Variants in DIAPH2 observed in about 807,000 individuals in gnomAD.
DIAPH2 encodes diaphanous related formin 2.
In DIAPH2, 35 loss-of-function variants were observed where a neutral mutation model predicts 92.7. The observed-to-expected ratio is 0.38, with a 90% confidence interval of 0.29 to 0.50. DIAPH2 has a LOEUF of 0.50. Among genes scored for constraint, DIAPH2 ranks in the 20% least tolerant of loss-of-function variants. DIAPH2 has a pLI of 0.94. For synonymous variants in DIAPH2, 301 were observed against 280.4 expected (o/e 1.07, Z -0.73); for missense variants, 701 against 819.5 (o/e 0.86, Z 1.77).
chrX:97,415,046 A>G (rs2069927474), intron 25 of DIAPH2, among the ~76,000 whole-genome samples: 1 of 102,353 alleles, frequency 9.8e-6, no homozygotes, highest in Non-Finnish European at 2.0e-5. Context: ...GGCAAAGGAT[A>G]TGAACAAACA....
Position 97,367,654 on chromosome X carries a change from C to T in DIAPH2, c.3010-16255C>T, listed in dbSNP as rs139671625. 5.9e-3 allele frequency among the ~76,000 whole-genome samples: 650 copies of T among 109,660 alleles called. 2 individuals carry two copies. The highest frequency in any genetic ancestry group is 0.02 in the African/African-American group (617 of 30,190). ...ACTCAGAAACATATACCTATAGAGCCAGAATAGCCTAGGATAGAAACTAAG... is the reference window on the plus strand; with the variant it reads ...ACTCAGAAACATATACCTATAGAGCTAGAATAGCCTAGGATAGAAACTAAG... On this transcript the variant is annotated intron_variant, in intron 24 of 26. Transcript: ENST00000324765.
chrX:96,924,523 T>C (rs1490594948), intron 9 of DIAPH2, among the ~76,000 whole-genome samples: 1 of 111,597 alleles, frequency 9.0e-6, no homozygotes, highest in African/African-American at 3.3e-5. Flanking sequence ...TCCTCAGCAC[T>C]ATTTGGCACT....
At chrX:97,278,611 T>C (rs1323349831) in intron 23 of DIAPH2, among the ~76,000 whole-genome samples, 1 of 112,190 alleles carries the variant, frequency 8.9e-6, no homozygotes, top group Non-Finnish European at 1.9e-5. Context: ...CTTAGCAATA[T>C]GCATTTAAGG....
At chrX:97,120,618 T>G (rs1602355353) in intron 21 of DIAPH2, among the ~76,000 whole-genome samples, 2 of 98,735 alleles carry the variant, frequency 2.0e-5, no homozygotes, top group Admixed American at 2.2e-4. Context: ...TTGTGGGTTT[T>G]TTTTTTTTTT....
At chrX:96,780,629 G>A (rs1180210955) in intron 4 of DIAPH2, among the ~76,000 whole-genome samples, 1 of 109,078 alleles carries the variant, frequency 9.2e-6, no homozygotes, top group African/African-American at 3.3e-5. Context: ...CTATAAGTGT[G>A]TGCCACCATG....
chrX:96,758,921 C>T (rs888274460), intron 4 of DIAPH2, among the ~76,000 whole-genome samples: 89 of 109,383 alleles, frequency 8.1e-4, no homozygotes, highest in African/African-American at 2.9e-3. Flanking sequence ...TCCTAATGCA[C>T]TTCCAAATAT....
At chrX:97,410,512 G>C (rs1041780146) in intron 25 of DIAPH2, among the ~76,000 whole-genome samples, 1 of 111,990 alleles carries the variant, frequency 8.9e-6, no homozygotes, top group East Asian at 2.8e-4. Context: ...CTCCTCCAAA[G>C]GATTACAGGT....
At chrX:96,825,103 G>T (rs1433362104) in intron 4 of DIAPH2, among the ~76,000 whole-genome samples, 1 of 102,291 alleles carries the variant, frequency 9.8e-6, no homozygotes, top group African/African-American at 3.7e-5. Flanking sequence ...ATGCCACCAC[G>T]CCTGGCTAAT....
At chrX:96,685,964 T>C (rs1157494589) in intron 1 of DIAPH2, among the ~76,000 whole-genome samples, 5 of 112,281 alleles carry the variant, frequency 4.5e-5, no homozygotes, top group Non-Finnish European at 9.4e-5. Flanking sequence ...TGCCACTGAA[T>C]GTGCAGAGGA....
chrX:97,258,912 A>G (rs1267387229), intron 23 of DIAPH2, among the ~76,000 whole-genome samples: 3 of 108,213 alleles, frequency 2.8e-5, no homozygotes, highest in African/African-American at 1.0e-4. Context: ...AACAACAGAA[A>G]CAAAACAAAA....
chrX:96,832,631 G>A (rs1638733283), intron 4 of DIAPH2, among the ~76,000 whole-genome samples: 1 of 111,247 alleles, frequency 9.0e-6, no homozygotes, highest in Non-Finnish European at 1.9e-5. Flanking sequence ...ATATCATTTT[G>A]TATTTGGATA....
intron 25 of DIAPH2, among the ~76,000 whole-genome samples, chrX:97,396,817 A>G (rs2147744958): frequency 9.0e-6 from 1 of 111,035 alleles, no homozygotes; most frequent in East Asian, 2.8e-4. Context: ...CTATTAACCT[A>G]TTTCAGGGGT....
chrX:96,837,734 G>A (rs1455338748), intron 4 of DIAPH2, among the ~76,000 whole-genome samples: 2 of 111,189 alleles, frequency 1.8e-5, no homozygotes, highest in Admixed American at 1.9e-4. Context: ...ATCATAATGC[G>A]ATAATTCTTA....
At chrX:97,571,162 G>GA (rs2071367386) in intron 26 of DIAPH2, among the ~76,000 whole-genome samples, 1 of 111,098 alleles carries the variant, frequency 9.0e-6, no homozygotes, top group Non-Finnish European at 1.9e-5. Context: ...ATAATAGGTG[G>GA]CCAGTAAGGA....
intron 26 of DIAPH2, among the ~76,000 whole-genome samples, chrX:97,597,736 G>A (rs971255854): frequency 9.0e-6 from 1 of 111,448 alleles, no homozygotes; most frequent in African/African-American, 3.3e-5. Context: ...TAAGTAATAA[G>A]TCCTTTATTC....
At chrX:97,422,766 C>T (rs762311943) in intron 25 of DIAPH2, among the ~76,000 whole-genome samples, 378 of 111,281 alleles carry the variant, frequency 3.4e-3, no homozygotes, top group African/African-American at 0.012. Context: ...TGCTTAAGTG[C>T]CTAGAGGAGT....
rs771265795 is a variant in DIAPH2, at chrX:97,275,441, C to T, written c.2844+27602C>T. Among the ~76,000 whole-genome samples the T allele has an allele frequency of 3.3e-3, 347 of 106,384 alleles. 1 individual carries two copies. The highest frequency in any genetic ancestry group is 0.011 in the African/African-American group (326 of 29,304). The allele number at this position is 106,384 out of a possible 115,157, so 92.4% of individuals were successfully genotyped here. The stretch of plus-strand genomic sequence containing the variant: ...GGCTGCCCCCCCTTCACCTCCCAGA[C>T]GGGGCGGCTGCCGGGCGGAGACGCT... On this transcript the variant is annotated intron_variant, in intron 23 of 26. Transcript: ENST00000324765.
rs757897678 is a variant in DIAPH2, at chrX:96,756,593, G to A, written c.343-1561G>A. 2.6e-4 allele frequency among the ~76,000 whole-genome samples: 29 copies of A among 111,344 alleles called. No individual in the cohort carries two copies. The South Asian group carries it at 7.1e-3, about 27-fold the overall frequency. ...ATCAATAATGCTGCTATGAACATTC[G>A]TGTGCAAGTTTTTGTATGGACATAT... On this transcript the variant is annotated intron_variant, in intron 3 of 26. Transcript: ENST00000324765.
chrX:97,473,761 G>A (rs976935277), intron 26 of DIAPH2, among the ~76,000 whole-genome samples: 2 of 111,708 alleles, frequency 1.8e-5, no homozygotes, highest in African/African-American at 6.5e-5. Context: ...AGGAGTTCGA[G>A]ACCAGCCTGG....
Sources: gnomAD v4.1 joint callset for allele counts (sites outside exome capture counted in the v4.1 genomes callset) on GRCh38, gnomAD v4.1.1 for gene constraint, MANE v1.5 for transcripts, NCBI Gene and HGNC (gene_info 2026-07-23, HGNC 2026-07-21) for gene names.